NRG3: variants seen among roughly 807,000 people sequenced by gnomAD.
The protein encoded by NRG3 is neuregulin 3.
NRG3 carries 31 observed loss-of-function variants against 66.9 expected under a neutral mutation model. The ratio of observed to expected loss-of-function variants is 0.46; its 90% CI spans 0.35 to 0.63. The LOEUF is 0.63. Ranked by LOEUF, NRG3 falls within the 20% of genes least tolerant of loss-of-function variation. The pLI is 0.00. For missense variants in NRG3, 910 were observed against 878.9 expected (o/e 1.04, Z -0.45); for synonymous variants, 393 against 359.4 (o/e 1.09, Z -1.06).
chr10:82,143,414 T>TA (rs1225484448), intron 1 of NRG3, among the ~76,000 whole-genome samples: 5 of 152,208 alleles, frequency 3.3e-5, no homozygotes, highest in Non-Finnish European at 7.3e-5. Context: ...TTCAGACAGT[T>TA]ACTGCAATTA....
intron 3 of NRG3, among the ~76,000 whole-genome samples, chr10:82,828,662 T>A (rs988001760): frequency 3.9e-5 from 6 of 152,222 alleles, no homozygotes; most frequent in Admixed American, 6.5e-5. Context: ...ACACATTTTT[T>A]AAATCACAGA....
intron 4 of NRG3, among the ~76,000 whole-genome samples, chr10:82,927,668 T>A (rs1013277975): frequency 6.6e-6 from 1 of 152,206 alleles, no homozygotes; most frequent in East Asian, 1.9e-4. Flanking sequence ...GCAAAGGACA[T>A]GAACTCATCC....
chr10:82,150,197 G>A (rs1296941715), intron 1 of NRG3, among the ~76,000 whole-genome samples: 1 of 152,086 alleles, frequency 6.6e-6, no homozygotes, highest in Non-Finnish European at 1.5e-5. Flanking sequence ...CAGAGGCTAG[G>A]CCACTGCCAG....
intron 1 of NRG3, among the ~76,000 whole-genome samples, chr10:82,308,888 C>T (rs1009301950): frequency 2.6e-5 from 4 of 152,116 alleles, no homozygotes; most frequent in African/African-American, 7.2e-5. Context: ...GTGAAAGCAG[C>T]GTGGGTTCTC....
At chr10:82,384,935 C>G (rs181640418) in intron 2 of NRG3, among the ~76,000 whole-genome samples, 2 of 152,316 alleles carry the variant, frequency 1.3e-5, no homozygotes, top group East Asian at 3.9e-4. Flanking sequence ...ACCTCGCCAA[C>G]ATCTGTTGTT....
intron 1 of NRG3, among the ~76,000 whole-genome samples, chr10:82,040,744 T>G (rs996060458): frequency 1.3e-5 from 2 of 152,170 alleles, no homozygotes; most frequent in African/African-American, 4.8e-5. Flanking sequence ...AAAGTCCATA[T>G]TCTGTCCACT....
At chr10:82,821,379 C>T (rs1159403931) in intron 3 of NRG3, among the ~76,000 whole-genome samples, 1 of 152,122 alleles carries the variant, frequency 6.6e-6, no homozygotes, top group Admixed American at 6.6e-5. Context: ...CATACTGCAT[C>T]CAAAGTCTTC....
At chr10:81,947,305 C>T (rs1271088853) in intron 1 of NRG3, among the ~76,000 whole-genome samples, 1 of 152,110 alleles carries the variant, frequency 6.6e-6, no homozygotes, top group South Asian at 2.1e-4. Flanking sequence ...ATTTTAATTC[C>T]ATCAGCTCTC....
chr10:82,977,541 A>C (rs1486751444), intron 7 of NRG3, among the ~76,000 whole-genome samples: 2 of 147,662 alleles, frequency 1.4e-5, no homozygotes, highest in African/African-American at 5.0e-5. Context: ...CCTGGGAGGT[A>C]GAGGTTGCAG....
chr10:82,736,095 C>T (rs1407603794), intron 2 of NRG3, among the ~76,000 whole-genome samples: 2 of 151,962 alleles, frequency 1.3e-5, no homozygotes, highest in African/African-American at 2.4e-5. Context: ...ATTCTTGTGT[C>T]TTTCAAAAAG....
chr10:82,762,115 G>A (rs1467303706), intron 3 of NRG3, among the ~76,000 whole-genome samples: 1 of 149,858 alleles, frequency 6.7e-6, no homozygotes, highest in African/African-American at 2.5e-5. Flanking sequence ...GTGCAGTGGT[G>A]CAATCACAGC....
At position 82,546,859 on chromosome 10, in the gene NRG3, C is replaced by T. The variant is rs147621399; in HGVS notation, c.953+187991C>T. On this transcript the variant is annotated intron_variant, in intron 2 of 8. Transcript: ENST00000372141. ...TACATGCAATATTTCATGGATCTCT[C>T]ATAGTAAGATTGAAGAATTACTCAA... is the stretch of plus-strand genomic sequence containing the variant. Among the ~76,000 whole-genome samples, 5 of 152,196 alleles carry T rather than the reference C, an allele frequency of 3.3e-5. No individual in the cohort carries two copies. In the East Asian group the frequency reaches 5.8e-4, roughly 18 times the overall value.
chr10:82,375,393 C>T (rs6584684), intron 2 of NRG3, among the ~76,000 whole-genome samples: 65,433 of 151,468 alleles, frequency 0.43, 18,163 homozygotes, highest in African/African-American at 0.79. Flanking sequence ...AAAAATTAAC[C>T]GGGCGTGGTG....
At chr10:82,805,306 T>A (rs1318126951) in intron 3 of NRG3, among the ~76,000 whole-genome samples, 1 of 152,192 alleles carries the variant, frequency 6.6e-6, no homozygotes, top group Non-Finnish European at 1.5e-5. Context: ...TGATCGTATA[T>A]CTTCCACTAT....
intron 4 of NRG3, among the ~76,000 whole-genome samples, chr10:82,907,844 A>C (rs928636723): frequency 6.6e-6 from 1 of 152,042 alleles, no homozygotes; most frequent in Non-Finnish European, 1.5e-5. Flanking sequence ...TGTGTAGAGC[A>C]AATGTGTGAA....
At chr10:82,912,171 A>T (rs1845384552) in intron 4 of NRG3, among the ~76,000 whole-genome samples, 1 of 152,164 alleles carries the variant, frequency 6.6e-6, no homozygotes, top group Non-Finnish European at 1.5e-5. Flanking sequence ...TATAAATGTC[A>T]ATTAGATCCA....
chr10:82,215,263 C>T (rs1011400680), intron 1 of NRG3, among the ~76,000 whole-genome samples: 9 of 152,076 alleles, frequency 5.9e-5, no homozygotes, highest in Admixed American at 1.3e-4. Flanking sequence ...TAGAGAATTT[C>T]TTCGGTGATA....
At chr10:82,696,528 C>T (rs751924607) in intron 2 of NRG3, among the ~76,000 whole-genome samples, 8 of 152,078 alleles carry the variant, frequency 5.3e-5, no homozygotes, top group Non-Finnish European at 8.8e-5. Flanking sequence ...TGCTGATTTC[C>T]GTATTGTCTA....
intron 2 of NRG3, among the ~76,000 whole-genome samples, chr10:82,508,460 A>T (rs1157464581): frequency 2.0e-5 from 3 of 152,236 alleles, no homozygotes; most frequent in African/African-American, 7.2e-5. Flanking sequence ...TTCTGAAAAT[A>T]GGCAACAGCA....
Sources: gnomAD v4.1 joint callset for allele counts (sites outside exome capture counted in the v4.1 genomes callset) on GRCh38, gnomAD v4.1.1 for gene constraint, MANE v1.5 for transcripts, NCBI Gene and HGNC (gene_info 2026-07-23, HGNC 2026-07-21) for gene names.